The following HECTD2 variants were observed in gnomAD, a reference collection of about 807,000 sequenced individuals.
HECTD2 encodes probable E3 ubiquitin-protein ligase HECTD2.
Under a neutral mutation model 103.2 loss-of-function variants are expected in HECTD2, and 35 were observed. The observed-to-expected ratio is 0.34, with a 90% CI of 0.26 to 0.45. HECTD2 has a LOEUF of 0.45. HECTD2 is among the 20% of genes least tolerant of loss of function. HECTD2 has a pLI of 1.00. For synonymous variants in HECTD2, 281 were observed against 329.9 expected (o/e 0.85, Z 1.61); for missense variants, 596 against 937.4 (o/e 0.64, Z 4.76).
At chr10:91,510,741 T>TTTTC (rs1325787018) in intron 20 of HECTD2, among the ~76,000 whole-genome samples, 4 of 152,234 alleles carry the variant, frequency 2.6e-5, no homozygotes, top group African/African-American at 9.6e-5. Context: ...ATTTTCATTT[T>TTTTC]TTTCTTTGCT....
chr10:91,426,726 G>A (rs1200532879), intron 2 of HECTD2, among the ~76,000 whole-genome samples: 3 of 151,478 alleles, frequency 2.0e-5, no homozygotes, highest in African/African-American at 7.3e-5. Context: ...ATGCCTACAA[G>A]TTTTTGATTG....
chr10:91,411,705 G>T (rs1464106823), intron 1 of HECTD2, among the ~76,000 whole-genome samples: 1 of 152,182 alleles, frequency 6.6e-6, no homozygotes, highest in African/African-American at 2.4e-5. Flanking sequence ...AGCAAATTGC[G>T]AACAGTAATG....
At chr10:91,455,095 T>A (rs750444221) in intron 2 of HECTD2, among the ~76,000 whole-genome samples, 25 of 152,204 alleles carry the variant, frequency 1.6e-4, no homozygotes, top group Non-Finnish European at 3.2e-4. Flanking sequence ...AGTAATGGGA[T>A]GGCTGGGTCA....
At chr10:91,486,148 T>A (rs1468685218) in intron 10 of HECTD2, 5 of 152,046 alleles carry the variant, frequency 3.3e-5, no homozygotes, top group Non-Finnish European at 1.5e-5. Context: ...CCCAGATTAG[T>A]TTGTAAATTG....
intron 1 of HECTD2, among the ~76,000 whole-genome samples, chr10:91,421,402 G>C (rs1843353189): frequency 6.6e-6 from 1 of 151,956 alleles, no homozygotes; most frequent in Non-Finnish European, 1.5e-5. Flanking sequence ...TATATTATCA[G>C]TTGTGTCCAA....
intron 5 of HECTD2, among the ~76,000 whole-genome samples, chr10:91,468,240 G>A (rs1845600987): frequency 6.6e-6 from 1 of 152,108 alleles, no homozygotes; most frequent in Non-Finnish European, 1.5e-5. Flanking sequence ...AACAAAGCCA[G>A]GGGCTCGGTA....
At position 91,462,092 on chromosome 10, in the gene HECTD2, CAG is replaced by C; in HGVS notation, c.511-1_511del. 6.3e-7 allele frequency: 1 copy of C among 1,578,140 alleles called. No individual in the cohort carries two copies. Among genetic ancestry groups the C allele is most frequent in the Non-Finnish European group, 8.7e-7 (1 of 1,153,406 alleles). On this transcript the variant is annotated splice_acceptor_variant, in intron 4 of 20. Transcript: ENST00000298068. LOFTEE classifies it high-confidence loss of function. ...ATACTTAATTCTTAAATTGAATTTG[CAG>C]AAAGATGCCACTGCCTCATTTAACA...
At chr10:91,419,269 G>T (rs1373659394) in intron 1 of HECTD2, among the ~76,000 whole-genome samples, 1 of 152,004 alleles carries the variant, frequency 6.6e-6, no homozygotes, top group Non-Finnish European at 1.5e-5. Context: ...TATTGGCATT[G>T]GTAGAAAAAT....
chr10:91,491,589 T>C lies in HECTD2; in HGVS notation c.1299+282T>C, dbSNP rs1349786383. Reference sequence around the variant, plus strand: ...GTAGAACACTTAAATGAGTAATTCATGTTTCTTAGTATATAACCTAGATTC... The same window carrying C: ...GTAGAACACTTAAATGAGTAATTCACGTTTCTTAGTATATAACCTAGATTC... On this transcript the variant is annotated intron_variant, in intron 12 of 20. Coordinates refer to ENST00000298068, the MANE Select transcript of HECTD2 (RefSeq NM_182765.6). Among the ~76,000 whole-genome samples, 5 of 152,284 alleles carry C rather than the reference T, an allele frequency of 3.3e-5. No homozygotes were observed. In the East Asian group the frequency reaches 9.6e-4, roughly 29 times the overall value.
upstream of HECTD2, among the ~76,000 whole-genome samples, chr10:91,409,948 A>C (rs1411387993): frequency 1.3e-5 from 2 of 151,680 alleles, no homozygotes; most frequent in African/African-American, 4.9e-5. Context: ...TACTGGTACC[A>C]CTCGGACACT....
At chr10:91,435,064 T>C (rs958472946) in intron 2 of HECTD2, among the ~76,000 whole-genome samples, 1 of 151,968 alleles carries the variant, frequency 6.6e-6, no homozygotes, top group Non-Finnish European at 1.5e-5. Context: ...AAATGTGTTA[T>C]ACATGCAGAA....
At chr10:91,431,926 A>T (rs1287954955) in intron 2 of HECTD2, among the ~76,000 whole-genome samples, 2 of 151,924 alleles carry the variant, frequency 1.3e-5, no homozygotes, top group Non-Finnish European at 2.9e-5. Context: ...CTGGTGAGGA[A>T]CTGCGAAGTT....
intron 1 of HECTD2, among the ~76,000 whole-genome samples, chr10:91,412,349 C>T (rs751277334): frequency 2.0e-5 from 3 of 150,636 alleles, no homozygotes; most frequent in Non-Finnish European, 4.4e-5. Context: ...TACTACTAGA[C>T]AAAGAGAAGA....
At position 91,484,544 on chromosome 10, in the gene HECTD2, T is replaced by C. The variant is rs1475563904; in HGVS notation, c.859T>C (p.Leu287=). 4 of 1,611,732 alleles carry C rather than the reference T, an allele frequency of 2.5e-6. No individual in the cohort carries two copies. The highest frequency in any genetic ancestry group is 3.3e-5 in the Admixed American group (2 of 59,802). ...QKRFKQLVER[L]LQFISLRLFP... is the part of the protein sequence containing the mutation. ...GAGGTTCAAACAATTGGTAGAGAGATTGCTGCAATTTATTTCTTTACGCCT... is the reference window on the plus strand; with the variant it reads ...GAGGTTCAAACAATTGGTAGAGAGACTGCTGCAATTTATTTCTTTACGCCT... The change falls in exon 9 of 21, where the codon TTG becomes CTG. Residue 287 remains leucine, a synonymous_variant. Coordinates refer to ENST00000298068, the MANE Select transcript of HECTD2 (RefSeq NM_182765.6).
chr10:91,479,852 G>A (rs903768323), intron 6 of HECTD2, among the ~76,000 whole-genome samples: 4 of 152,048 alleles, frequency 2.6e-5, no homozygotes, highest in Admixed American at 2.6e-4. Flanking sequence ...TAAATGAAAA[G>A]TGGATCTCAT....
chr10:91,500,075 C>A (rs778976260), intron 18 of HECTD2, among the ~76,000 whole-genome samples: 1 of 151,906 alleles, frequency 6.6e-6, no homozygotes, highest in South Asian at 2.1e-4. Flanking sequence ...GACTAACCCA[C>A]CTGAAAGTTG....
intron 20 of HECTD2, 27 bp from the exon 21 acceptor site, chr10:91,512,237 G>GT: frequency 6.2e-7 from 1 of 1,605,278 alleles, no homozygotes; most frequent in African/African-American, 1.3e-5. Flanking sequence ...TCAAGACTTA[G>GT]TATTTTTTTT....
At position 91,491,307 on chromosome 10, in the gene HECTD2, G is replaced by A; in HGVS notation, c.1299G>A (p.Glu433=). The change falls in exon 12 of 21, where the codon GAG becomes GAA. Residue 433 remains glutamate, a splice_region_variant and synonymous_variant. Coordinates refer to ENST00000298068, the MANE Select transcript of HECTD2 (RefSeq NM_182765.6). ...RTHLVSDSLD[E]LTRKRADLKK... is the part of the protein sequence containing the mutation. Reference sequence around the variant, plus strand: ...ATCTGGTTAGCGATTCACTTGATGAGGTATAATTTATTCCAAAATGATATT... The same window carrying A: ...ATCTGGTTAGCGATTCACTTGATGAAGTATAATTTATTCCAAAATGATATT... 7.5e-7 allele frequency: 1 copy of A among 1,328,156 alleles called. No homozygotes were observed. Among genetic ancestry groups the A allele is most frequent in the Non-Finnish European group, 1.1e-6 (1 of 948,290 alleles). 82.3% of individuals were successfully genotyped at this position (1,328,156 alleles called of 1,614,324 possible). A position where few individuals can be genotyped will look rare whatever the true frequency, so the allele number is the denominator to read the frequency against.
chr10:91,491,244 G>A lies in HECTD2; in HGVS notation c.1236G>A (p.Met412Ile). ...DKVSRRQRPD[M>I]NILFLNMKVR... ...TATCTCGAAGACAGAGACCTGATAT[G>A]AATATATTATTTCTAAATATGAAAG... Residue 412 changes from methionine (M) to isoleucine (I), a missense_variant, in exon 12 of 21, where the codon ATG becomes ATA. Physicochemically the swap from Met to Ile is conservative, Grantham distance 10 (BLOSUM62 1). This residue lies in a region of HECTD2 where 303 missense variants were observed against 522.5 expected (regional missense o/e 0.58). Transcript: ENST00000298068. 6.3e-7 allele frequency: 1 copy of A among 1,585,092 alleles called. No individual in the cohort carries two copies. Among genetic ancestry groups the A allele is most frequent in the Non-Finnish European group, 8.6e-7 (1 of 1,159,420 alleles).
Sources: gnomAD v4.1 joint callset for allele counts (sites outside exome capture counted in the v4.1 genomes callset) on GRCh38, gnomAD v4.1.1 for gene constraint, gnomAD v4.1.1 regional missense constraint, MANE v1.5 for transcripts, NCBI Gene and HGNC (gene_info 2026-07-23, HGNC 2026-07-21) for gene names.